Variants in TENM4 observed in about 807,000 individuals in gnomAD.
TENM4 encodes the protein teneurin-4.
A neutral mutation model predicts 243.3 loss-of-function variants in TENM4; 82 were observed. The observed-to-expected ratio is 0.34, with a 90% CI of 0.28 to 0.40. TENM4 has a LOEUF of 0.40. Among genes scored for constraint, TENM4 ranks in the 10% least tolerant of loss-of-function variants. The pLI is 1.00. For synonymous variants in TENM4, 1,412 were observed against 1,456.3 expected, an observed-to-expected ratio of 0.97 and a Z score of 0.69; for missense variants, 3,138 against 3,673.3, an observed-to-expected ratio of 0.85 and a Z score of 3.77.
chr11:79,133,996 G>A (rs1466401982), intron 4 of TENM4, among the ~76,000 whole-genome samples: 1 of 152,094 alleles, frequency 6.6e-6, no homozygotes, highest in Non-Finnish European at 1.5e-5. Context: ...TTCCTAGCCA[G>A]AGCAATCAGT....
At chr11:79,043,660 T>C (rs763352888) in intron 6 of TENM4, among the ~76,000 whole-genome samples, 2 of 152,218 alleles carry the variant, frequency 1.3e-5, no homozygotes, top group South Asian at 2.1e-4. Context: ...TTTTTGTCTA[T>C]AATCACTAAA....
At chr11:78,697,540 G>A (rs1025564332) in intron 28 of TENM4, among the ~76,000 whole-genome samples, 1 of 152,188 alleles carries the variant, frequency 6.6e-6, no homozygotes, top group African/African-American at 2.4e-5. Flanking sequence ...TGGCAGTGCT[G>A]GTGCTCAGAC....
intron 15 of TENM4, among the ~76,000 whole-genome samples, chr11:78,803,623 C>G (rs994987666): frequency 6.6e-6 from 1 of 152,196 alleles, no homozygotes; most frequent in Non-Finnish European, 1.5e-5. Flanking sequence ...TAATTCTATT[C>G]AAAGTCCCTT....
At chr11:79,123,683 A>G (rs927869307) in intron 4 of TENM4, among the ~76,000 whole-genome samples, 1 of 151,584 alleles carries the variant, frequency 6.6e-6, no homozygotes, top group South Asian at 2.1e-4. Flanking sequence ...GCCTTGTGCA[A>G]TGCACACAAA....
chr11:78,808,336 A>G (rs1463981349), intron 14 of TENM4, among the ~76,000 whole-genome samples: 1 of 152,246 alleles, frequency 6.6e-6, no homozygotes, highest in Non-Finnish European at 1.5e-5. Context: ...TCATTTGGTA[A>G]TAACACAGTA....
chr11:78,727,237 A>G (rs1284129827), intron 22 of TENM4, among the ~76,000 whole-genome samples: 1 of 152,192 alleles, frequency 6.6e-6, no homozygotes, highest in African/African-American at 2.4e-5. Flanking sequence ...TCACGAGGTC[A>G]GGAGATGGAG....
intron 12 of TENM4, among the ~76,000 whole-genome samples, chr11:78,846,879 C>A (rs540211): frequency 1.3e-5 from 2 of 151,994 alleles, no homozygotes; most frequent in African/African-American, 4.8e-5. Context: ...TCCCTTCTCT[C>A]TGAGAGAACC....
At chr11:79,306,796 GA>G (rs968640000) in intron 1 of TENM4, among the ~76,000 whole-genome samples, 3 of 152,148 alleles carry the variant, frequency 2.0e-5, no homozygotes, top group African/African-American at 7.2e-5. Flanking sequence ...TGCTGAGGCA[GA>G]AATGGAACTC....
At position 78,708,452 on chromosome 11, in the gene TENM4, T is replaced by C; in HGVS notation, c.4118A>G (p.Asp1373Gly). The C allele has an allele frequency of 6.2e-7, 1 of 1,614,054 alleles. No individual in the cohort carries two copies. Among genetic ancestry groups the C allele is most frequent in the South Asian group, 1.1e-5 (1 of 91,080 alleles). The change falls in exon 27 of 34, where the codon GAT (aspartate) becomes GGT (glycine). Residue 1373 changes from aspartate (D) to glycine (G), a missense_variant. Physicochemically the swap from Asp to Gly is moderately conservative, Grantham distance 94 (BLOSUM62 -1). Transcript: ENST00000278550. ...FVDGTMIRRI[D>G]QNGIISTLLG... ...CAGGGTGGAGATGATCCCATTCTGA[T>C]CGATGCGTCTGATCATGGTGCCATC... is the stretch of plus-strand genomic sequence containing the variant.
chr11:79,155,357 T>TC (rs1565226862), intron 3 of TENM4, among the ~76,000 whole-genome samples: 11 of 145,714 alleles, frequency 7.5e-5, no homozygotes, highest in African/African-American at 2.5e-4. Context: ...CTCTCTCTCT[T>TC]TTTTTTTTTT....
chr11:79,225,212 C>T (rs1864239970), intron 2 of TENM4, among the ~76,000 whole-genome samples: 1 of 152,186 alleles, frequency 6.6e-6, no homozygotes, highest in Non-Finnish European at 1.5e-5. Context: ...TTCCGTCAGC[C>T]CTAGGAAATC....
chr11:78,785,801 T>G (rs1856923424), intron 16 of TENM4, among the ~76,000 whole-genome samples: 1 of 152,054 alleles, frequency 6.6e-6, no homozygotes, highest in African/African-American at 2.4e-5. Flanking sequence ...GAAAAAACCC[T>G]CAAGGGGTAA....
intron 6 of TENM4, among the ~76,000 whole-genome samples, chr11:78,937,143 G>T (rs780221851): frequency 6.6e-5 from 10 of 152,168 alleles, no homozygotes; most frequent in Non-Finnish European, 1.5e-4. Context: ...TTCTGTGCAT[G>T]GGGAAGGGCA....
chr11:78,720,504 TAATA>T (rs1195139988), intron 24 of TENM4, 114 bp from the exon 25 acceptor site: 2 of 1,043,198 alleles, frequency 1.9e-6, no homozygotes, highest in East Asian at 2.4e-5. Flanking sequence ...TACAATACTG[TAATA>T]AATAAAGACT....
intron 18 of TENM4, among the ~76,000 whole-genome samples, chr11:78,765,779 TGTA>T (rs1408980754): frequency 2.6e-5 from 4 of 152,222 alleles, no homozygotes; most frequent in Admixed American, 6.5e-5. Context: ...CTGGAGATGA[TGTA>T]CGCAGAGCGT....
At chr11:79,375,231 T>C (rs922575990) in intron 1 of TENM4, among the ~76,000 whole-genome samples, 9 of 152,208 alleles carry the variant, frequency 5.9e-5, no homozygotes, top group African/African-American at 1.9e-4. Flanking sequence ...AGGACCAAGA[T>C]AGCAGATGGC....
At chr11:79,339,762 G>A (rs1857211849) in intron 1 of TENM4, among the ~76,000 whole-genome samples, 1 of 152,140 alleles carries the variant, frequency 6.6e-6, no homozygotes, top group African/African-American at 2.4e-5. Flanking sequence ...AGAGAAAGAT[G>A]GAGGAGAAAA....
chr11:79,174,443 T>TA (rs1863116072), intron 3 of TENM4, among the ~76,000 whole-genome samples: 1 of 152,186 alleles, frequency 6.6e-6, no homozygotes, highest in African/African-American at 2.4e-5. Flanking sequence ...CAGACTGATT[T>TA]AAAATGAAAA....
At chr11:79,199,540 G>A (rs893380138) in intron 3 of TENM4, among the ~76,000 whole-genome samples, 13 of 152,182 alleles carry the variant, frequency 8.5e-5, no homozygotes, top group African/African-American at 2.9e-4. Context: ...GCTGAGTAGA[G>A]GATATGGGAC....
Sources: gnomAD v4.1 joint callset for allele counts (sites outside exome capture counted in the v4.1 genomes callset) on GRCh38, gnomAD v4.1.1 for gene constraint, MANE v1.5 for transcripts, NCBI Gene and HGNC (gene_info 2026-07-23, HGNC 2026-07-21) for gene names.